CPNE2: variants seen among roughly 807,000 people sequenced by gnomAD.
CPNE2 encodes the protein copine 2.
CPNE2 carries 42 observed loss-of-function variants against 69.7 expected under a neutral mutation model. That is an observed-to-expected ratio of 0.60 (90% CI 0.47 to 0.78). The LOEUF (loss-of-function observed/expected upper bound fraction) is 0.78. CPNE2 is among the 30% of genes least tolerant of loss of function. The probability of loss-of-function intolerance (pLI) is 0.00; values close to 1 mark genes in which losing one functional copy is unlikely to be tolerated. For missense variants in CPNE2, 587 were observed against 732.0 expected, an observed-to-expected ratio of 0.80 and a Z score of 2.29; for synonymous variants, 294 against 289.8, an observed-to-expected ratio of 1.01 and a Z score of -0.15.
intron 1 of CPNE2, among the ~76,000 whole-genome samples, chr16:57,099,382 G>A (rs1336815397): frequency 1.3e-5 from 2 of 152,076 alleles, no homozygotes; most frequent in Non-Finnish European, 2.9e-5. Flanking sequence ...TTCCAGTTGG[G>A]ATTATTTGGA....
chr16:57,106,902 G>A (rs1056452713), intron 1 of CPNE2, among the ~76,000 whole-genome samples: 4 of 152,214 alleles, frequency 2.6e-5, no homozygotes, highest in African/African-American at 9.7e-5. Flanking sequence ...CTGATGTCCT[G>A]GCTGTCCCTG....
In CPNE2 at chr16:57,146,403, G is replaced by T; in HGVS notation, c.1539+82G>T. ...CATAATCAAGCTTGAGAGTCTTGGG[G>T]TTGTCTGGCCCAATCCTAGACTTCT... is the stretch of plus-strand genomic sequence containing the variant. On this transcript the variant is annotated intron_variant, in intron 15 of 15. Transcript: ENST00000290776. This position sits in a 1 kb window ranked among gnomAD's most constrained non-coding sequence, Gnocchi z 4.4. The T allele has an allele frequency of 8.1e-7, 1 of 1,232,986 alleles. No homozygotes were observed. The highest frequency in any genetic ancestry group is 1.1e-6 in the Non-Finnish European group (1 of 881,998). 76.4% of individuals were successfully genotyped at this position (1,232,986 alleles called of 1,614,324 possible). A position where few individuals can be genotyped will look rare whatever the true frequency, so the allele number is the denominator to read the frequency against.
intron 7 of CPNE2, 87 bp downstream of exon 7, chr16:57,119,737 A>T: frequency 1.2e-6 from 1 of 867,624 alleles, no homozygotes; most frequent in African/African-American, 1.7e-5. Context: ...CCTTGTAGAA[A>T]GCTCTTTCTC....
chr16:57,143,985 G>A (rs766555828), intron 14 of CPNE2: 1 of 152,460 alleles, frequency 6.6e-6, no homozygotes, highest in Admixed American at 6.5e-5. Flanking sequence ...GCCTCTTAGT[G>A]TCTTTCTACC....
intron 1 of CPNE2, among the ~76,000 whole-genome samples, chr16:57,096,971 G>T (rs114082993): frequency 1.2e-3 from 178 of 152,120 alleles, no homozygotes; most frequent in Non-Finnish European, 1.9e-3. Context: ...AGGAAACAGC[G>T]CATGCAAAGG....
intron 1 of CPNE2, among the ~76,000 whole-genome samples, chr16:57,109,637 C>A (rs1272675368): frequency 3.3e-5 from 5 of 152,172 alleles, no homozygotes; most frequent in Admixed American, 3.3e-4. Context: ...CATATAGGGT[C>A]ACTTCCTGAT....
rs375654240 is a variant in CPNE2, at chr16:57,117,461, G to A, written c.436-35G>A. 373 of 1,602,770 alleles carry A rather than the reference G, an allele frequency of 2.3e-4. No homozygotes were observed. The African/African-American group carries it at 4.7e-3, about 20-fold the overall frequency. On this transcript the variant is annotated intron_variant, in intron 4 of 15. Transcript: ENST00000290776. ...CATCCTGCCTGGCAGGAGGCTGGGG[G>A]AGTCTGAGGAGCCCCTCATGTCCCG...
chr16:57,123,581 AG>A (rs1427792557), intron 10 of CPNE2, 108 bp downstream of exon 10: 1 of 1,218,286 alleles, frequency 8.2e-7, no homozygotes, highest in African/African-American at 1.5e-5. Context: ...GACTTCAGGA[AG>A]GACTTCCCTG....
chr16:57,123,251 C>A, intron 9 of CPNE2, 163 bp from the exon 10 acceptor site: 2 of 702,268 alleles, frequency 2.8e-6, no homozygotes, highest in Non-Finnish European at 5.0e-6. Context: ...GCACTGAAGG[C>A]TTTGTTATAG....
rs571661530 is a variant in CPNE2 at position 57,140,429 on chromosome 16, C to T, written c.1302+3147C>T. On this transcript the variant is annotated intron_variant, in intron 14 of 15. Transcript: ENST00000290776. Reference sequence around the variant, plus strand: ...TCAGGTGATCCGCCCGCCTCAGCCTCCCAAAGTGCTGGGATTACAGGTGTG... The same window carrying T: ...TCAGGTGATCCGCCCGCCTCAGCCTTCCAAAGTGCTGGGATTACAGGTGTG... 5.9e-5 allele frequency among the ~76,000 whole-genome samples: 9 copies of T among 152,230 alleles called. No homozygotes were observed. In the South Asian group the frequency reaches 1.9e-3, roughly 32 times the overall value.
At chr16:57,147,159 C>A (rs2069964559) in intron 15 of CPNE2, 1 of 167,644 alleles carries the variant, frequency 6.0e-6, no homozygotes, top group African/African-American at 2.4e-5. Context: ...CCGAGTACCT[C>A]CATGTGCCTG....
chr16:57,123,595 G>A, intron 10 of CPNE2, 122 bp downstream of exon 10: 1 of 1,066,046 alleles, frequency 9.4e-7, no homozygotes, highest in South Asian at 1.3e-5. Context: ...CTTCCCTGGG[G>A]CAAAGAGTGT....
intron 12 of CPNE2, among the ~76,000 whole-genome samples, chr16:57,133,254 G>A (rs555712044): frequency 1.2e-4 from 18 of 152,302 alleles, no homozygotes; most frequent in African/African-American, 3.4e-4. Context: ...GACACCAGGG[G>A]ACTGGCTCTG....
In CPNE2 at chr16:57,137,004, G is replaced by A. The variant is rs895860860; in HGVS notation, c.1169-145G>A. 41 of 1,201,076 alleles carry A rather than the reference G, an allele frequency of 3.4e-5. No individual in the cohort carries two copies. In the African/African-American group the frequency reaches 4.9e-4, roughly 14 times the overall value. 74.4% of individuals were successfully genotyped at this position (1,201,076 alleles called of 1,614,324 possible). On this transcript the variant is annotated intron_variant, in intron 13 of 15. Coordinates refer to ENST00000290776, the MANE Select transcript of CPNE2 (RefSeq NM_152727.6). ...ACCATGCTGGCCCTTCCCTCTGGCA[G>A]CTTCCAGTCTGTCTCACAAGGCCTA... is the stretch of plus-strand genomic sequence containing the variant.
At chr16:57,147,357 G>T in intron 15 of CPNE2, 194 bp from the exon 16 acceptor site, 1 of 411,608 alleles carries the variant, frequency 2.4e-6, no homozygotes, top group Non-Finnish European at 4.3e-6. Flanking sequence ...AAGGCACTGC[G>T]ATCAGGGGGA....
intron 14 of CPNE2, chr16:57,142,115 G>A (rs892499193): frequency 6.6e-6 from 1 of 152,292 alleles, no homozygotes; most frequent in Non-Finnish European, 1.5e-5. Flanking sequence ...ACCAACTTCT[G>A]TGTAGCACTG....
At chr16:57,128,458 C>G (rs2069816030) in intron 12 of CPNE2, among the ~76,000 whole-genome samples, 2 of 152,078 alleles carry the variant, frequency 1.3e-5, no homozygotes, top group African/African-American at 2.4e-5. Context: ...AACTCCTGAC[C>G]TCAGGTGATC....
intron 3 of CPNE2, among the ~76,000 whole-genome samples, chr16:57,113,776 C>T (rs9933098): frequency 0.33 from 50,142 of 152,182 alleles, 8,446 homozygotes; most frequent in Middle Eastern, 0.44. Context: ...AAGACACCCA[C>T]AGTAGTCCCG....
At position 57,134,840 on chromosome 16, in the gene CPNE2, C is replaced by A. The variant is rs1177146733; in HGVS notation, c.1168+14C>A. 1.2e-6 allele frequency: 2 copies of A among 1,613,264 alleles called. No individual in the cohort carries two copies. The highest frequency in any genetic ancestry group is 2.7e-5 in the African/African-American group (2 of 74,860). ...CCTTCTGCTCAGGTGAGTGTCAGACCCACCTGCAGCTGCCCTGTGTTTGCT... is the reference window on the plus strand; with the variant it reads ...CCTTCTGCTCAGGTGAGTGTCAGACACACCTGCAGCTGCCCTGTGTTTGCT... On this transcript the variant is annotated intron_variant, in intron 13 of 15. Coordinates refer to ENST00000290776, the MANE Select transcript of CPNE2 (RefSeq NM_152727.6).
Sources: gnomAD v4.1 joint callset for allele counts (sites outside exome capture counted in the v4.1 genomes callset) on GRCh38, gnomAD v4.1.1 for gene constraint, Gnocchi (gnomAD v3.1) non-coding constraint, MANE v1.5 for transcripts, NCBI Gene and HGNC (gene_info 2026-07-23, HGNC 2026-07-21) for gene names.